Variants in PAK1 observed in about 807,000 individuals in gnomAD.
PAK1 encodes the protein serine/threonine-protein kinase PAK 1.
A neutral mutation model predicts 67.4 loss-of-function variants in PAK1; 29 were observed. That is an observed-to-expected ratio of 0.43 (90% CI 0.32 to 0.59). The LOEUF (loss-of-function observed/expected upper bound fraction) is 0.59, where lower values mean the gene tolerates loss of function less well. PAK1 is among the 20% of genes least tolerant of loss of function. The pLI is 0.07. For missense variants in PAK1, 337 were observed against 670.7 expected, an observed-to-expected ratio of 0.50 and a Z score of 5.50; for synonymous variants, 223 against 237.4, an observed-to-expected ratio of 0.94 and a Z score of 0.56.
intron 2 of PAK1, among the ~76,000 whole-genome samples, chr11:77,388,414 C>T (rs1486495373): frequency 1.3e-5 from 2 of 152,184 alleles, no homozygotes; most frequent in African/African-American, 4.8e-5. Flanking sequence ...AGTGCAGTGG[C>T]GCAATCTTGG....
intron 4 of PAK1, among the ~76,000 whole-genome samples, chr11:77,376,004 G>C (rs138604924): frequency 2.0e-5 from 3 of 152,288 alleles, no homozygotes; most frequent in African/African-American, 7.2e-5. Flanking sequence ...ATAGCTAGCA[G>C]TATTCTGGAG....
At chr11:77,520,220 A>G in the PAK1 span, among the ~76,000 whole-genome samples, 14 of 152,180 alleles carry the variant, frequency 9.2e-5, no homozygotes, top group Non-Finnish European at 2.1e-4. Context: ...CATTAGAATA[A>G]GGATAAGGAC....
intron 1 of PAK1, among the ~76,000 whole-genome samples, chr11:77,406,654 G>A (rs115455659): frequency 0.032 from 4,891 of 152,206 alleles, 132 homozygotes; most frequent in African/African-American, 0.074. Context: ...GGCAGGCACC[G>A]GTAGTCCCAG....
At chr11:77,332,523 G>A (rs991617509) in intron 14 of PAK1, among the ~76,000 whole-genome samples, 5 of 151,328 alleles carry the variant, frequency 3.3e-5, no homozygotes, top group Admixed American at 6.6e-5. Flanking sequence ...CTAGGAGAAC[G>A]TGTAGAGTTT....
upstream of PAK1, among the ~76,000 whole-genome samples, chr11:77,478,927 A>T (rs1292449029): frequency 1.3e-5 from 2 of 148,992 alleles, no homozygotes; most frequent in Non-Finnish European, 3.0e-5. Flanking sequence ...ATACAAAAAA[A>T]AAAAAAAATT....
At chr11:77,509,675 C>T in the PAK1 span, among the ~76,000 whole-genome samples, 1 of 152,038 alleles carries the variant, frequency 6.6e-6, no homozygotes, top group Admixed American at 6.5e-5. Flanking sequence ...TATGGTTTGG[C>T]GCTGTCTTTG....
the PAK1 span, among the ~76,000 whole-genome samples, chr11:77,500,996 G>A: frequency 9.2e-5 from 14 of 151,368 alleles, no homozygotes; most frequent in African/African-American, 2.4e-4. Context: ...ACCCAATCCC[G>A]GGTAATTAGC....
chr11:77,494,981 G>A, the PAK1 span, among the ~76,000 whole-genome samples: 1 of 151,898 alleles, frequency 6.6e-6, no homozygotes, highest in African/African-American at 2.4e-5. Context: ...GGCCAACACA[G>A]TGAAACCTTG....
In PAK1 at chr11:77,374,360, A is replaced by G. The variant is rs1284868465; in HGVS notation, c.445T>C (p.Ser149Pro). ...TTAGAAGAATTGTAATCCTCAGCTG[A>G]CTTATCTGCACAGGAAGAAAAACAA... ...SQKYMSFTDK[S>P]AEDYNSSNAL... Residue 149 changes from serine to proline, a missense_variant, in exon 5 of 15, where the codon TCA becomes CCA. By Grantham distance (74) the Ser-to-Pro change is moderately conservative. Transcript: ENST00000356341. 1.3e-6 allele frequency: 2 copies of G among 1,595,020 alleles called. No individual in the cohort carries two copies. The highest frequency in any genetic ancestry group is 2.7e-5 in the African/African-American group (2 of 74,520).
At chr11:77,493,700 G>A in the PAK1 span, among the ~76,000 whole-genome samples, 3 of 151,902 alleles carry the variant, frequency 2.0e-5, no homozygotes, top group African/African-American at 4.8e-5. Flanking sequence ...TGCGTCAGTC[G>A]TTTTGAATGT....
intron 1 of PAK1, among the ~76,000 whole-genome samples, chr11:77,470,438 C>T (rs1361827149): frequency 6.6e-6 from 1 of 152,160 alleles, no homozygotes; most frequent in Non-Finnish European, 1.5e-5. Flanking sequence ...TTGGGCTGCA[C>T]TCTTGTATAT....
At chr11:77,326,773 C>A (rs1217602661) in intron 14 of PAK1, among the ~76,000 whole-genome samples, 1 of 152,246 alleles carries the variant, frequency 6.6e-6, no homozygotes, top group Non-Finnish European at 1.5e-5. Flanking sequence ...AGCAACGGAA[C>A]AAAGCTGGAT....
At chr11:77,361,729 G>A (rs1451821951) in intron 5 of PAK1, among the ~76,000 whole-genome samples, 3 of 152,048 alleles carry the variant, frequency 2.0e-5, no homozygotes, top group Non-Finnish European at 4.4e-5. Context: ...AAGGGTTCTT[G>A]GTTCTCAGTT....
chr11:77,526,408 G>C, the PAK1 span, among the ~76,000 whole-genome samples: 2 of 152,112 alleles, frequency 1.3e-5, no homozygotes, highest in Non-Finnish European at 2.9e-5. Context: ...CTCTGCTCTA[G>C]GATTCTAGCT....
At chr11:77,342,885 C>CT (rs35338818) in intron 10 of PAK1, among the ~76,000 whole-genome samples, 98,898 of 146,810 alleles carry the variant, frequency 0.67, 34,199 homozygotes, top group East Asian at 0.93. Flanking sequence ...AGAAGCTTAA[C>CT]TTTTTTTTTT....
intron 5 of PAK1, among the ~76,000 whole-genome samples, chr11:77,359,744 G>C (rs1312039753): frequency 6.6e-6 from 1 of 152,108 alleles, no homozygotes; most frequent in Non-Finnish European, 1.5e-5. Flanking sequence ...TGGGCCAAGA[G>C]TGGCAGGTTT....
chr11:77,386,149 G>A (rs906470182), intron 2 of PAK1, among the ~76,000 whole-genome samples: 2 of 152,162 alleles, frequency 1.3e-5, no homozygotes, highest in African/African-American at 2.4e-5. Context: ...CATGGGAAAT[G>A]AGGCTGACAC....
the PAK1 span, among the ~76,000 whole-genome samples, chr11:77,483,798 C>T: frequency 6.6e-6 from 1 of 152,158 alleles, no homozygotes; most frequent in East Asian, 1.9e-4. Context: ...AAGAATGGAA[C>T]TGAAGGGGTT....
At chr11:77,349,459 C>T in intron 8 of PAK1, 172 bp from the exon 9 acceptor site, 1 of 630,298 alleles carries the variant, frequency 1.6e-6, no homozygotes. Flanking sequence ...AGAGGTAGTA[C>T]AGAGAATGTA....
Sources: gnomAD v4.1 joint callset for allele counts (sites outside exome capture counted in the v4.1 genomes callset) on GRCh38, gnomAD v4.1.1 for gene constraint, MANE v1.5 for transcripts, NCBI Gene and HGNC (gene_info 2026-07-23, HGNC 2026-07-21) for gene names.